The following PTPRS variants were observed in gnomAD, a reference collection of about 807,000 sequenced individuals.
The protein encoded by PTPRS is receptor-type tyrosine-protein phosphatase S.
PTPRS carries 63 observed loss-of-function variants against 215.3 expected under a neutral mutation model. The observed-to-expected ratio is 0.29, with a 90% CI of 0.24 to 0.36. The LOEUF is 0.36. PTPRS is among the 10% of genes least tolerant of loss of function. The probability of loss-of-function intolerance (pLI) is 1.00; values close to 1 mark genes in which losing one functional copy is unlikely to be tolerated. For synonymous variants in PTPRS, 1,404 were observed against 1,191.4 expected (o/e 1.18, Z -3.68); for missense variants, 2,258 against 2,825.8 (o/e 0.80, Z 4.56).
In PTPRS at chr19:5,294,745, G is replaced by GC. The variant is rs987537200; in HGVS notation, c.-94-8512dup. 3.0e-4 allele frequency: 45 copies of GC among 152,062 alleles called. No individual in the cohort carries two copies. The highest frequency in any genetic ancestry group is 1.1e-3 in the African/African-American group (45 of 41,358). 9.4% of individuals were successfully genotyped at this position (152,062 alleles called of 1,614,324 possible). A position where few individuals can be genotyped will look rare whatever the true frequency, so the allele number is the denominator to read the frequency against. On this transcript the variant is annotated intron_variant, in intron 1 of 37. Transcript: ENST00000262963. This position sits in a 1 kb window ranked among gnomAD's most constrained non-coding sequence, Gnocchi z 5.1. ...GCAAAATGGAGCATGGAATCGCCCCGCCCCATCTCCAACAATAGGTGGCCT... is the reference window on the plus strand; with the variant it reads ...GCAAAATGGAGCATGGAATCGCCCCGCCCCCATCTCCAACAATAGGTGGCCT...
At chr19:5,314,552 T>A (rs1023466355) in intron 1 of PTPRS, among the ~76,000 whole-genome samples, 2 of 151,828 alleles carry the variant, frequency 1.3e-5, no homozygotes, top group Admixed American at 6.6e-5. Context: ...TTTATTTATT[T>A]AAAAAAAAAT....
At chr19:5,334,212 T>C (rs564633246) in intron 1 of PTPRS, among the ~76,000 whole-genome samples, 1 of 152,202 alleles carries the variant, frequency 6.6e-6, no homozygotes, top group Admixed American at 6.5e-5. Context: ...CATCCTGACA[T>C]CTCCCTGGTG....
intron 13 of PTPRS, among the ~76,000 whole-genome samples, chr19:5,236,414 C>T (rs1424497949): frequency 6.6e-6 from 1 of 152,216 alleles, no homozygotes. Flanking sequence ...CAGCTCAGAT[C>T]TCAGCCTTGT....
intron 2 of PTPRS, among the ~76,000 whole-genome samples, chr19:5,282,017 C>G (rs1344770308): frequency 6.6e-6 from 1 of 152,104 alleles, no homozygotes; most frequent in Non-Finnish European, 1.5e-5. Flanking sequence ...GTCCCTTATG[C>G]CCCCACCGCA....
chr19:5,211,857 G>T (rs918282985), intron 32 of PTPRS, 89 bp from the exon 33 acceptor site: 121 of 1,574,976 alleles, frequency 7.7e-5, no homozygotes, highest in Non-Finnish European at 1.0e-4. Context: ...GGTAGGTAGG[G>T]GCACCCTGCC....
rs1221980061 is a variant in PTPRS, at chr19:5,214,679, T to C, written c.4376A>G (p.Asn1459Ser). 1 of 1,613,008 alleles carries C rather than the reference T, an allele frequency of 6.2e-7. No individual in the cohort carries two copies. The highest frequency in any genetic ancestry group is 8.5e-7 in the Non-Finnish European group (1 of 1,179,836). The change falls in exon 29 of 38, where the codon AAC (asparagine) becomes AGC (serine). Residue 1459 changes from asparagine to serine, a missense_variant. Transcript: ENST00000262963. ...ANYVDGYRCQ[N>S]AYIATQGPLP... ...CGGCCCCTGCGTGGCAATGTACGCG[T>C]TCTGACACCGGTAGCCGTCCACGTA... is the stretch of plus-strand genomic sequence containing the variant.
chr19:5,221,449 C>CTGACCCCAGACTG (rs1454730283), intron 19 of PTPRS, among the ~76,000 whole-genome samples, 196 bp from the exon 20 acceptor site: 1 of 151,636 alleles, frequency 6.6e-6, no homozygotes, highest in Non-Finnish European at 1.5e-5. Flanking sequence ...TCACTGAACC[C>CTGACCCCAGACTG]TGACCCCAGA....
rs28429927 is a variant in PTPRS, at chr19:5,245,654, T to G, written c.988+122A>C. ...AGAACAACCGTCCCCTTCCTAGCCATGAATGACTGAAGCCAAGAGGGTAAC... is the reference window on the plus strand; with the variant it reads ...AGAACAACCGTCCCCTTCCTAGCCAGGAATGACTGAAGCCAAGAGGGTAAC... On this transcript the variant is annotated intron_variant, in intron 10 of 37. Coordinates refer to ENST00000262963, the MANE Select transcript of PTPRS (RefSeq NM_002850.4). 25,162 of 1,382,674 alleles carry G rather than the reference T, an allele frequency of 0.018. 3,747 individuals carry two copies. In the African/African-American group the frequency reaches 0.33, roughly 18 times the overall value. The allele number at this position is 1,382,674 out of a possible 1,614,324, so 85.7% of individuals were successfully genotyped here. A position where few individuals can be genotyped will look rare whatever the true frequency, so the allele number is the denominator to read the frequency against.
chr19:5,325,681 G>C (rs1364748321), intron 1 of PTPRS, among the ~76,000 whole-genome samples: 1 of 152,214 alleles, frequency 6.6e-6, no homozygotes, highest in East Asian at 1.9e-4. Flanking sequence ...CACTGGGGCT[G>C]AGCCACCAAG....
At chr19:5,281,198 C>T (rs192046159) in intron 2 of PTPRS, among the ~76,000 whole-genome samples, 564 of 151,914 alleles carry the variant, frequency 3.7e-3, no homozygotes, top group African/African-American at 0.012. Flanking sequence ...TGGTAGCTCA[C>T]GCCTGTAATC....
At chr19:5,265,341 C>G in intron 4 of PTPRS, 145 bp from the exon 5 acceptor site, 1 of 698,560 alleles carries the variant, frequency 1.4e-6, no homozygotes, top group African/African-American at 1.8e-5. Context: ...CCTTTACAGC[C>G]AGTTCTCTCT....
chr19:5,290,193 C>G (rs2146958869), intron 1 of PTPRS, among the ~76,000 whole-genome samples: 1 of 152,334 alleles, frequency 6.6e-6, no homozygotes, highest in Non-Finnish European at 1.5e-5. Context: ...CTGCCCACCA[C>G]TAGCTCACGG....
At chr19:5,323,537 G>C (rs2050087773) in intron 1 of PTPRS, among the ~76,000 whole-genome samples, 1 of 152,258 alleles carries the variant, frequency 6.6e-6, no homozygotes, top group African/African-American at 2.4e-5. Flanking sequence ...GGAGGTTGCT[G>C]TTTGGGGAAA....
chr19:5,210,854 T>C lies in PTPRS; in HGVS notation c.5235-49A>G, dbSNP rs771936827. On this transcript the variant is annotated intron_variant, in intron 33 of 37. Transcript: ENST00000262963. The surrounding 1 kb of genome is among the most constrained non-coding windows in gnomAD (Gnocchi z 4.5). ...CCAGGGCCGGCAGGGAGACCCGGCG[T>C]GGTACTCACCTGATGCTGCCCGGGA... 105 of 1,592,450 alleles carry C rather than the reference T, an allele frequency of 6.6e-5. No homozygotes were observed. The East Asian group carries it at 2.1e-3, about 32-fold the overall frequency.
At chr19:5,226,577 C>CA (rs537275736) in intron 16 of PTPRS, among the ~76,000 whole-genome samples, 17,436 of 106,244 alleles carry the variant, frequency 0.16, 1,304 homozygotes, top group Non-Finnish European at 0.21. Flanking sequence ...CTAAAAATAC[C>CA]AAAAAAAAAA....
chr19:5,280,830 TG>T (rs1034879445), intron 2 of PTPRS, among the ~76,000 whole-genome samples: 12 of 151,856 alleles, frequency 7.9e-5, no homozygotes, highest in African/African-American at 2.7e-4. Flanking sequence ...CTCGCTCTGT[TG>T]CCCAGGCTGG....
chr19:5,264,699 T>C (rs938408201), intron 5 of PTPRS, among the ~76,000 whole-genome samples: 2 of 152,036 alleles, frequency 1.3e-5, no homozygotes, highest in Admixed American at 6.6e-5. Flanking sequence ...TCCCCGCCCA[T>C]GGCCCTATAT....
chr19:5,328,818 G>A (rs1383910553), intron 1 of PTPRS, among the ~76,000 whole-genome samples: 1 of 152,166 alleles, frequency 6.6e-6, no homozygotes, highest in Non-Finnish European at 1.5e-5. Context: ...AGCTACTCAG[G>A]AGGTTGAGGT....
At chr19:5,268,897 C>T (rs2046660682) in intron 4 of PTPRS, among the ~76,000 whole-genome samples, 2 of 152,240 alleles carry the variant, frequency 1.3e-5, no homozygotes, top group South Asian at 4.1e-4. Context: ...CCCATCGGGG[C>T]CCTGAAGGGG....
Sources: gnomAD v4.1 joint callset for allele counts (sites outside exome capture counted in the v4.1 genomes callset) on GRCh38, gnomAD v4.1.1 for gene constraint, Gnocchi (gnomAD v3.1) non-coding constraint, MANE v1.5 for transcripts, NCBI Gene and HGNC (gene_info 2026-07-23, HGNC 2026-07-21) for gene names.